KCNIP4: variants seen among roughly 807,000 people sequenced by gnomAD.
The protein encoded by KCNIP4 is Kv channel-interacting protein 4.
In KCNIP4, 12 loss-of-function variants were observed where a neutral mutation model predicts 34.0. That is an observed-to-expected ratio of 0.35 (90% CI 0.23 to 0.57). The LOEUF is 0.57. Among genes scored for constraint, KCNIP4 ranks in the 20% least tolerant of loss-of-function variants. KCNIP4 has a pLI of 0.83. For missense variants in KCNIP4, 238 were observed against 311.7 expected (o/e 0.76, Z 1.78); for synonymous variants, 124 against 102.2 (o/e 1.21, Z -1.29).
chr4:21,191,839 G>A (rs1755670024), intron 1 of KCNIP4, among the ~76,000 whole-genome samples: 1 of 152,186 alleles, frequency 6.6e-6, no homozygotes, highest in Non-Finnish European at 1.5e-5. Flanking sequence ...GACAGCCAAT[G>A]GTTTGGCACA....
intron 1 of KCNIP4, among the ~76,000 whole-genome samples, chr4:21,557,566 G>C (rs1739168820): frequency 6.6e-6 from 1 of 152,086 alleles, no homozygotes; most frequent in Admixed American, 6.6e-5. Context: ...AAGCTGGAGA[G>C]AGCAATGCGT....
intron 1 of KCNIP4, among the ~76,000 whole-genome samples, chr4:21,879,502 G>C (rs1726340563): frequency 6.6e-6 from 1 of 152,170 alleles, no homozygotes; most frequent in African/African-American, 2.4e-5. Context: ...CTGCATTCAG[G>C]CTTCTTGTCC....
intron 1 of KCNIP4, among the ~76,000 whole-genome samples, chr4:20,913,656 T>C (rs940169443): frequency 1.3e-5 from 2 of 152,204 alleles, no homozygotes; most frequent in African/African-American, 4.8e-5. Context: ...CTGCAGCTCA[T>C]AGTTCTAGGC....
At chr4:21,741,572 C>T (rs1716404936) in intron 1 of KCNIP4, among the ~76,000 whole-genome samples, 2 of 152,146 alleles carry the variant, frequency 1.3e-5, no homozygotes, top group South Asian at 2.1e-4. Flanking sequence ...CCACTACTTG[C>T]TATAAAATTC....
chr4:21,208,921 A>G (rs940078999), intron 1 of KCNIP4, among the ~76,000 whole-genome samples: 1 of 152,080 alleles, frequency 6.6e-6, no homozygotes. Flanking sequence ...AATGCCAGAC[A>G]CTTATAAAAC....
At chr4:21,090,316 T>A (rs1746883536) in intron 1 of KCNIP4, among the ~76,000 whole-genome samples, 1 of 152,202 alleles carries the variant, frequency 6.6e-6, no homozygotes, top group African/African-American at 2.4e-5. Flanking sequence ...ATAGATTATT[T>A]ATTGAATGAA....
At chr4:20,794,786 T>C (rs1382362169) in intron 3 of KCNIP4, among the ~76,000 whole-genome samples, 1 of 152,210 alleles carries the variant, frequency 6.6e-6, no homozygotes, top group Non-Finnish European at 1.5e-5. Flanking sequence ...AAGTGTGGCT[T>C]AGGGCATTCA....
intron 3 of KCNIP4, among the ~76,000 whole-genome samples, chr4:20,841,376 C>T (rs1355694431): frequency 6.6e-6 from 1 of 152,080 alleles, no homozygotes; most frequent in Non-Finnish European, 1.5e-5. Flanking sequence ...GGGGAGGAGT[C>T]CACAAGCAAA....
chr4:20,754,684 CAG>C (rs1184450767), intron 4 of KCNIP4, among the ~76,000 whole-genome samples: 1 of 152,126 alleles, frequency 6.6e-6, no homozygotes, highest in Admixed American at 6.5e-5. Flanking sequence ...AAGAGTGTAA[CAG>C]TAATTTTTTC....
rs796912138 is a variant in KCNIP4, at chr4:21,081,520, T to C, written c.62-198811A>G. Among the ~76,000 whole-genome samples the C allele has an allele frequency of 1.9e-4, 29 of 151,802 alleles. 1 individual carries two copies. The highest frequency in any genetic ancestry group is 6.8e-4 in the African/African-American group (28 of 41,262). On this transcript the variant is annotated intron_variant, in intron 1 of 8. Transcript: ENST00000382152. ...ATTAACCTCAAAACGGCCCCAAATT[T>C]TGTTAAAACTATAGAAGAAGAAATT... is the stretch of plus-strand genomic sequence containing the variant.
At chr4:21,385,052 A>C (rs1721892920) in intron 1 of KCNIP4, among the ~76,000 whole-genome samples, 1 of 152,170 alleles carries the variant, frequency 6.6e-6, no homozygotes, top group East Asian at 1.9e-4. Flanking sequence ...GGCTTTGTCA[A>C]TACAGACTTT....
chr4:20,729,744 AAC>A lies in KCNIP4; in HGVS notation c.*336_*337del. The A allele has an allele frequency of 5.0e-6, 1 of 201,838 alleles. No homozygotes were observed. Among genetic ancestry groups the A allele is most frequent in the Admixed American group, 5.9e-5 (1 of 17,010 alleles). The allele number at this position is 201,838 out of a possible 1,614,324, so 12.5% of individuals were successfully genotyped here. A position where few individuals can be genotyped will look rare whatever the true frequency, so the allele number is the denominator to read the frequency against. On this transcript the variant is annotated 3_prime_UTR_variant, in exon 9 of 9. Coordinates refer to ENST00000382152, the MANE Select transcript of KCNIP4 (RefSeq NM_025221.6). ...GAATACATACAAATGAGTAGCAAAA[AAC>A]ACTGATATTTTAAAATCACTGATAT...
At chr4:21,663,114 T>C (rs1190858422) in intron 1 of KCNIP4, among the ~76,000 whole-genome samples, 2 of 152,180 alleles carry the variant, frequency 1.3e-5, no homozygotes, top group African/African-American at 2.4e-5. Context: ...TGTAAAATAA[T>C]TGTAAATCAG....
intron 1 of KCNIP4, among the ~76,000 whole-genome samples, chr4:21,360,344 C>T (rs2109404076): frequency 6.6e-6 from 1 of 151,830 alleles, no homozygotes; most frequent in Admixed American, 6.6e-5. Flanking sequence ...TGTATCTTAC[C>T]TAATTCCAAA....
intron 1 of KCNIP4, among the ~76,000 whole-genome samples, chr4:21,244,279 CA>C (rs1488703375): frequency 4.6e-5 from 7 of 152,130 alleles, no homozygotes; most frequent in Non-Finnish European, 1.0e-4. Context: ...GAAGATTAAA[CA>C]ATGCTGGCAA....
At chr4:21,390,912 C>A (rs1338186938) in intron 1 of KCNIP4, among the ~76,000 whole-genome samples, 1 of 152,118 alleles carries the variant, frequency 6.6e-6, no homozygotes, top group African/African-American at 2.4e-5. Flanking sequence ...GTAAATGCAT[C>A]ATTTTACATT....
chr4:20,729,893 T>C lies in KCNIP4; in HGVS notation c.*189A>G, dbSNP rs569986783. The C allele has an allele frequency of 3.7e-6, 2 of 540,546 alleles. No homozygotes were observed. Among genetic ancestry groups the C allele is most frequent in the African/African-American group, 3.9e-5 (2 of 51,184 alleles). The allele number at this position is 540,546 out of a possible 1,614,324, so 33.5% of individuals were successfully genotyped here. On this transcript the variant is annotated 3_prime_UTR_variant, in exon 9 of 9. Transcript: ENST00000382152. Reference sequence around the variant, plus strand: ...CCATCCCCTGAACTCAGTGGCATTATGAAAAGGATGCAAATTTATAACTGA... The same window carrying C: ...CCATCCCCTGAACTCAGTGGCATTACGAAAAGGATGCAAATTTATAACTGA...
intron 1 of KCNIP4, among the ~76,000 whole-genome samples, chr4:21,617,461 A>C (rs964166034): frequency 2.6e-5 from 4 of 152,110 alleles, no homozygotes; most frequent in Admixed American, 6.6e-5. Flanking sequence ...GTTTTCCTTT[A>C]ATTTCCCTAA....
In KCNIP4 at chr4:20,945,460, T is replaced by C. The variant is rs1732094112; in HGVS notation, c.62-62751A>G. Among the ~76,000 whole-genome samples the C allele has an allele frequency of 4.6e-5, 7 of 152,194 alleles. 1 individual carries two copies. The South Asian group carries it at 1.4e-3, about 31-fold the overall frequency. On this transcript the variant is annotated intron_variant, in intron 1 of 8. Coordinates refer to ENST00000382152, the MANE Select transcript of KCNIP4 (RefSeq NM_025221.6). ...TAAAATGGGGACATTCACAACTGCC[T>C]TGCTTCCTTGTTGGTATACAATGTC...
Sources: allele counts gnomAD v4.1 joint callset (sites outside exome capture counted in the v4.1 genomes callset), GRCh38; gene constraint gnomAD v4.1.1; transcripts MANE v1.5; gene names NCBI Gene and HGNC (gene_info 2026-07-23, HGNC 2026-07-21).